PCARE: variants seen among roughly 807,000 people sequenced by gnomAD.
PCARE encodes the protein photoreceptor cilium actin regulator.
PCARE carries 72 observed loss-of-function variants against 82.2 expected under a neutral mutation model. The observed-to-expected ratio is 0.88, with a 90% CI of 0.72 to 1.07. PCARE has a LOEUF of 1.07. PCARE is among the 50% of genes least tolerant of loss of function. PCARE has a pLI of 0.00. For synonymous variants in PCARE, 705 were observed against 634.8 expected (o/e 1.11, Z -1.66); for missense variants, 1,768 against 1,592.4 (o/e 1.11, Z -1.88).
At position 29,071,989 on chromosome 2, in the gene PCARE, C is replaced by T. The variant is rs185637100; in HGVS notation, c.2273G>A (p.Cys758Tyr). 11 of 1,613,906 alleles carry T rather than the reference C, an allele frequency of 6.8e-6. No homozygotes were observed. The East Asian group carries it at 2.0e-4, about 29-fold the overall frequency. ...GDSKDAGASPCLRNCIMPPRF... is the reference protein window; with the variant it reads ...GDSKDAGASPYLRNCIMPPRF... Reference sequence around the variant, plus strand: ...GGGGGGCATGATGCAATTCCTGAGGCAGGGACTTGCCCCAGCGTCCTTAGA... The same window carrying T: ...GGGGGGCATGATGCAATTCCTGAGGTAGGGACTTGCCCCAGCGTCCTTAGA... The change falls in exon 1 of 2, where the codon TGC (cysteine) becomes TAC (tyrosine). Residue 758 changes from cysteine (C) to tyrosine (Y), a missense_variant. Transcript: ENST00000331664.
Position 29,071,015 on chromosome 2 carries a change from G to A in PCARE, c.3247C>T (p.Pro1083Ser), listed in dbSNP as rs776878790. 8 of 1,608,764 alleles carry A rather than the reference G, an allele frequency of 5.0e-6. No homozygotes were observed. The highest frequency in any genetic ancestry group is 1.7e-4 in the Middle Eastern group (1 of 6,056). The change falls in exon 1 of 2, where the codon CCT becomes TCT. Residue 1083 changes from proline (P) to serine (S), a missense_variant. Pro to Ser is a moderately conservative substitution (Grantham distance 74, BLOSUM62 -1). Coordinates refer to ENST00000331664, the MANE Select transcript of PCARE (RefSeq NM_001029883.3). ...GGTGATGGGGAGGGAATCGAGAAAG[G>A]GGGGCTTGCTTCTGGGTGCTGGGTT... ...PPTQHPEASP[P>S]FSIPSPSPPM...
At chr2:29,068,980 G>A (rs944564766) in intron 1 of PCARE, among the ~76,000 whole-genome samples, 4 of 152,162 alleles carry the variant, frequency 2.6e-5, no homozygotes, top group Non-Finnish European at 4.4e-5. Context: ...GGGGGCCCAC[G>A]ATGTCAAAAC....
rs1313506203 is a variant in PCARE at position 29,071,054 on chromosome 2, C to T, written c.3208G>A (p.Val1070Ile). The T allele has an allele frequency of 8.2e-6, 13 of 1,579,684 alleles. No homozygotes were observed. Among genetic ancestry groups the T allele is most frequent in the Non-Finnish European group, 1.1e-5 (13 of 1,162,688 alleles). Residue 1070 changes from valine (V) to isoleucine (I), a missense_variant, in exon 1 of 2, where the codon GTC (valine) becomes ATC (isoleucine). Val to Ile is a conservative substitution (Grantham distance 29). Transcript: ENST00000331664. Reference sequence around the variant, plus strand: ...GGGTGCTGGGTTGGGGGGCTGGGGACCTTGCACTGAGCAGGTGCACTCTCG... The same window carrying T: ...GGGTGCTGGGTTGGGGGGCTGGGGATCTTGCACTGAGCAGGTGCACTCTCG... ...PPESAPAQCKVPSPPTQHPEA... is the reference protein window; with the variant it reads ...PPESAPAQCKIPSPPTQHPEA...
Position 29,074,201 on chromosome 2 carries a change from A to G in PCARE, c.61T>C (p.Phe21Leu), listed in dbSNP as rs1278944944. 7 of 1,599,158 alleles carry G rather than the reference A, an allele frequency of 4.4e-6. No homozygotes were observed. Among genetic ancestry groups the G allele is most frequent in the African/African-American group, 1.3e-5 (1 of 74,458 alleles). The change falls in exon 1 of 2, where the codon TTC (phenylalanine) becomes CTC (leucine). Residue 21 changes from phenylalanine (F) to leucine (L), a missense_variant. Transcript: ENST00000331664. Reference protein sequence around the residue: ...VNSVAKSGIQFLKKPKAIRPG... With the variant: ...VNSVAKSGIQLLKKPKAIRPG... ...CGAATTGCTTTGGGCTTTTTCAAGA[A>G]CTGAATGCCACTCTTTGCAACGCTG...
In PCARE at chr2:29,073,507, G is replaced by A. The variant is rs77003681; in HGVS notation, c.755C>T (p.Ala252Val). Reference protein sequence around the residue: ...VLLQEVREDLAWPLKKREPQE... With the variant: ...VLLQEVREDLVWPLKKREPQE... ...GGGCTCTCTTTTCTTCAAAGGCCAA[G>A]CCAGATCCTCCCTGACTTCCTGCAG... The change falls in exon 1 of 2, where the codon GCT becomes GTT. Residue 252 changes from alanine (A) to valine (V), a missense_variant. Coordinates refer to ENST00000331664, the MANE Select transcript of PCARE (RefSeq NM_001029883.3). The A allele has an allele frequency of 3.1e-6, 5 of 1,614,052 alleles. No homozygotes were observed. The highest frequency in any genetic ancestry group is 4.2e-6 in the Non-Finnish European group (5 of 1,180,034).
rs1667547948 is a variant in PCARE, at chr2:29,074,171, C to T, written c.91G>A (p.Gly31Arg). The change falls in exon 1 of 2, where the codon GGA (glycine) becomes AGA (arginine). Residue 31 changes from glycine (G) to arginine (R), a missense_variant. By Grantham distance (125) the Gly-to-Arg change is moderately radical (BLOSUM62 -2). Coordinates refer to ENST00000331664, the MANE Select transcript of PCARE (RefSeq NM_001029883.3). The stretch of plus-strand genomic sequence containing the variant: ...CCTCTTTCACTTCCGCCCTGACATC[C>T]TGGCCGAATTGCTTTGGGCTTTTTC... ...FLKKPKAIRP[G>R]CQGGSERGSI... is the part of the protein sequence containing the mutation. The T allele has an allele frequency of 3.1e-6, 5 of 1,609,594 alleles. No homozygotes were observed. The highest frequency in any genetic ancestry group is 4.2e-6 in the Non-Finnish European group (5 of 1,177,176).
chr2:29,064,842 C>G lies in PCARE; in HGVS notation c.*27G>C. ...CACACTTGGCCTTCTGGGGTGACTG[C>G]GTGAGTGTGGCCCCCTCGTCAGCCT... On this transcript the variant is annotated 3_prime_UTR_variant, in exon 2 of 2. Coordinates refer to ENST00000331664, the MANE Select transcript of PCARE (RefSeq NM_001029883.3). 6.2e-7 allele frequency: 1 copy of G among 1,607,888 alleles called. No individual in the cohort carries two copies. The highest frequency in any genetic ancestry group is 1.3e-5 in the African/African-American group (1 of 74,868).
rs780650496 is a variant in PCARE at position 29,071,716 on chromosome 2, G to A, written c.2546C>T (p.Pro849Leu). The A allele has an allele frequency of 6.2e-7, 1 of 1,614,086 alleles. No homozygotes were observed. Among genetic ancestry groups the A allele is most frequent in the South Asian group, 1.1e-5 (1 of 91,056 alleles). ...MDKSFASLES[P>L]ESSKSTENSP... ...GTTCTCTGTGGACTTGCTGCTTTCTGGGGACTCCAGAGAAGCGAATGATTT... is the reference window on the plus strand; with the variant it reads ...GTTCTCTGTGGACTTGCTGCTTTCTAGGGACTCCAGAGAAGCGAATGATTT... The change falls in exon 1 of 2, where the codon CCA (proline) becomes CTA (leucine). Residue 849 changes from proline (P) to leucine (L), a missense_variant. Physicochemically the swap from Pro to Leu is moderately conservative, Grantham distance 98. Coordinates refer to ENST00000331664, the MANE Select transcript of PCARE (RefSeq NM_001029883.3).
chr2:29,069,483 A>G (rs1667438840), intron 1 of PCARE, among the ~76,000 whole-genome samples: 1 of 152,218 alleles, frequency 6.6e-6, no homozygotes, highest in South Asian at 2.1e-4. Context: ...GAGCTAAATG[A>G]TGAGAACTCA....
In PCARE at chr2:29,067,204, T is replaced by C. The variant is rs1238900916; in HGVS notation, c.3669-2137A>G. On this transcript the variant is annotated intron_variant, in intron 1 of 1. Transcript: ENST00000331664. ...GAAACAGCCCGTTCTGAGCAGCCTC[T>C]GGCTTCCTGGCACTGGCTTGTTGCA... 4.6e-5 allele frequency among the ~76,000 whole-genome samples: 7 copies of C among 152,200 alleles called. No homozygotes were observed. In the South Asian group the frequency reaches 1.2e-3, roughly 27 times the overall value.
At chr2:29,067,170 G>C (rs899619540) in intron 1 of PCARE, among the ~76,000 whole-genome samples, 1 of 152,198 alleles carries the variant, frequency 6.6e-6, no homozygotes, top group Admixed American at 6.5e-5. Flanking sequence ...CTGCATGTCC[G>C]TGCTTGGGGA....
rs2148411274 is a variant in PCARE, at chr2:29,061,971, T to C, written c.*2898A>G. On this transcript the variant is annotated 3_prime_UTR_variant, in exon 2 of 2. Coordinates refer to ENST00000331664, the MANE Select transcript of PCARE (RefSeq NM_001029883.3). ...AACTGACCAGATGCCACAAAACTGT[T>C]CCATTGTGGATTTAATTCCTTTTGT... The C allele has an allele frequency of 6.6e-6, 1 of 152,372 alleles. No individual in the cohort carries two copies. Among genetic ancestry groups the C allele is most frequent in the East Asian group, 1.9e-4 (1 of 5,190 alleles). 9.4% of individuals were successfully genotyped at this position (152,372 alleles called of 1,614,324 possible).
rs1230646733 is a variant in PCARE, at chr2:29,073,675, G to C, written c.587C>G (p.Ser196Cys). 1.2e-6 allele frequency: 2 copies of C among 1,614,096 alleles called. No individual in the cohort carries two copies. Among genetic ancestry groups the C allele is most frequent in the African/African-American group, 1.3e-5 (1 of 74,930 alleles). ...QAYTYLHSSL[S>C]KYEAILCIIH... Reference sequence around the variant, plus strand: ...GATGCACAGAATTGCTTCATATTTGGAGAGGCTGGAGTGTAGATAGGTGTA... The same window carrying C: ...GATGCACAGAATTGCTTCATATTTGCAGAGGCTGGAGTGTAGATAGGTGTA... The change falls in exon 1 of 2, where the codon TCC (serine) becomes TGC (cysteine). Residue 196 changes from serine to cysteine, a missense_variant. Transcript: ENST00000331664.
Position 29,071,484 on chromosome 2 carries a change from G to A in PCARE, c.2778C>T (p.Ser926=), listed in dbSNP as rs1450054144. 2 of 1,611,172 alleles carry A rather than the reference G, an allele frequency of 1.2e-6. No individual in the cohort carries two copies. Among genetic ancestry groups the A allele is most frequent in the African/African-American group, 2.7e-5 (2 of 74,940 alleles). The change falls in exon 1 of 2, where the codon AGC becomes AGT. Residue 926 remains serine (S), a synonymous_variant. Transcript: ENST00000331664. ...CGGGGCTTTGGCTGGTGGCTGGTGG[G>A]CTGCTCAGGTCCAGGGCTGGCTTCC... ...QPRKPALDLS[S]PPATSQSPEV... is the part of the protein sequence containing the mutation.
chr2:29,067,499 C>T (rs550727736), intron 1 of PCARE, among the ~76,000 whole-genome samples: 185 of 152,190 alleles, frequency 1.2e-3, no homozygotes, highest in African/African-American at 4.0e-3. Context: ...CAACCTTCCA[C>T]GTGACCTTGG....
rs745486206 is a variant in PCARE at position 29,073,149 on chromosome 2, C to T, written c.1113G>A (p.Trp371Ter). 2.5e-6 allele frequency: 4 copies of T among 1,614,112 alleles called. No individual in the cohort carries two copies. Among genetic ancestry groups the T allele is most frequent in the Non-Finnish European group, 3.4e-6 (4 of 1,180,014 alleles). The stretch of plus-strand genomic sequence containing the variant: ...ATTCTTCGGGCTCTGGTGCAAGGTC[C>T]CAGCTGGTTTGCTTGCCCAGCTTGT... ...SVDKLGKQTS[W>*]DLAPEPEEWK... Residue 371 changes from tryptophan (W) to a stop codon, truncating the protein, a stop_gained, in exon 1 of 2, where the codon TGG (tryptophan) becomes TGA (stop). Transcript: ENST00000331664. LOFTEE classifies it high-confidence loss of function.
Position 29,072,721 on chromosome 2 carries a change from G to C in PCARE, c.1541C>G (p.Pro514Arg), listed in dbSNP as rs1234024086. 6.2e-7 allele frequency: 1 copy of C among 1,614,054 alleles called. No homozygotes were observed. The highest frequency in any genetic ancestry group is 1.7e-5 in the Admixed American group (1 of 60,026). The change falls in exon 1 of 2, where the codon CCA (proline) becomes CGA (arginine). Residue 514 changes from proline (P) to arginine (R), a missense_variant. Physicochemically the swap from Pro to Arg is moderately radical, Grantham distance 103 (BLOSUM62 -2). Coordinates refer to ENST00000331664, the MANE Select transcript of PCARE (RefSeq NM_001029883.3). ...AWQEKTPHSR[P>R]QSSPADRESP... Reference sequence around the variant, plus strand: ...TTCCCGGTCAGCAGGTGAAGATTGTGGCCTTGAATGTGGAGTTTTTTCCTG... The same window carrying C: ...TTCCCGGTCAGCAGGTGAAGATTGTCGCCTTGAATGTGGAGTTTTTTCCTG...
At chr2:29,067,427 G>A (rs1376099489) in intron 1 of PCARE, among the ~76,000 whole-genome samples, 1 of 152,226 alleles carries the variant, frequency 6.6e-6, no homozygotes, top group African/African-American at 2.4e-5. Flanking sequence ...TGCTCACAGT[G>A]TGGGAAGGCT....
chr2:29,065,719 C>T (rs964913076), intron 1 of PCARE, among the ~76,000 whole-genome samples: 1 of 152,254 alleles, frequency 6.6e-6, no homozygotes, highest in African/African-American at 2.4e-5. Context: ...CCCAGGAAAC[C>T]ACACTGGCCG....
Sources: allele counts gnomAD v4.1 joint callset (sites outside exome capture counted in the v4.1 genomes callset), GRCh38; gene constraint gnomAD v4.1.1; transcripts MANE v1.5; gene names NCBI Gene and HGNC (gene_info 2026-07-23, HGNC 2026-07-21).